Variants in CFAP65 observed in about 807,000 individuals in gnomAD.
CFAP65 encodes cilia and flagella associated protein 65.
CFAP65 carries 155 observed loss-of-function variants against 208.0 expected under a neutral mutation model. The observed-to-expected ratio is 0.75, with a 90% CI of 0.65 to 0.85. The LOEUF is 0.85. CFAP65 is among the 40% of genes least tolerant of loss of function. The pLI is 0.00. For synonymous variants in CFAP65, 970 were observed against 986.3 expected (o/e 0.98, Z 0.31); for missense variants, 2,294 against 2,451.3 (o/e 0.94, Z 1.36).
chr2:219,010,745 G>A, intron 25 of CFAP65, 41 bp from the exon 26 acceptor site: 3 of 1,586,160 alleles, frequency 1.9e-6, no homozygotes, highest in Non-Finnish European at 2.6e-6. Flanking sequence ...TGGTCAGAGG[G>A]AGGCCTGCTG....
Position 219,021,766 on chromosome 2 carries a change from T to G in CFAP65, c.3130+14A>C, listed in dbSNP as rs1266514655. 6.2e-7 allele frequency: 1 copy of G among 1,612,738 alleles called. No individual in the cohort carries two copies. Among genetic ancestry groups the G allele is most frequent in the African/African-American group, 1.3e-5 (1 of 74,890 alleles). On this transcript the variant is annotated intron_variant, in intron 18 of 34. Coordinates refer to ENST00000341552, the MANE Select transcript of CFAP65 (RefSeq NM_194302.4). ...CACCTCCCCTGGCCCCAGTCCCAGC[T>G]CAGGCCCAAGTACCGAGGGGGTGGT...
At position 219,029,657 on chromosome 2, in the gene CFAP65, A is replaced by G; in HGVS notation, c.1396T>C (p.Ser466Pro). ...VVGFCRGPAV[S>P]LQHYCVNFSW... ...AAGTTGACACAGTAGTGCTGCAGGGACACAGCAGGGCCTGGACACAGGAGA... is the reference window on the plus strand; with the variant it reads ...AAGTTGACACAGTAGTGCTGCAGGGGCACAGCAGGGCCTGGACACAGGAGA... Residue 466 changes from serine (S) to proline (P), a missense_variant, in exon 11 of 35, where the codon TCC becomes CCC. Physicochemically the swap from Ser to Pro is moderately conservative, Grantham distance 74 (BLOSUM62 -1). This residue lies in a region of CFAP65 where 867 missense variants were observed against 1,012.6 expected (regional missense o/e 0.86). Coordinates refer to ENST00000341552, the MANE Select transcript of CFAP65 (RefSeq NM_194302.4). The G allele has an allele frequency of 6.2e-7, 1 of 1,613,994 alleles. No homozygotes were observed. The highest frequency in any genetic ancestry group is 1.1e-5 in the South Asian group (1 of 91,060).
chr2:219,023,328 G>A lies in CFAP65; in HGVS notation c.2699C>T (p.Pro900Leu). ...PTWVGCSSTS[P>L]FTFRNPSRLP... Reference sequence around the variant, plus strand: ...ACGCGAGGGGTTGCGGAAGGTGAAGGGGCTGGTGGAGGAGCAGCCCACCCA... The same window carrying A: ...ACGCGAGGGGTTGCGGAAGGTGAAGAGGCTGGTGGAGGAGCAGCCCACCCA... Residue 900 changes from proline to leucine, a missense_variant, in exon 16 of 35, where the codon CCC (proline) becomes CTC (leucine). By Grantham distance (98) the Pro-to-Leu change is moderately conservative (BLOSUM62 -3). This residue lies in a region of CFAP65 where 1,427 missense variants were observed against 1,438.7 expected (regional missense o/e 0.99). Transcript: ENST00000341552. 1.2e-6 allele frequency: 2 copies of A among 1,612,758 alleles called. No individual in the cohort carries two copies. The highest frequency in any genetic ancestry group is 8.5e-7 in the Non-Finnish European group (1 of 1,179,676).
rs1945754852 is a variant in CFAP65 at position 219,003,924 on chromosome 2, C to T, written c.5555+28G>A. Reference sequence around the variant, plus strand: ...GAACCTTCTGCACTTCGCCTCCCTCCCGTCCTCACTGGGGCCTGGCTGCTC... The same window carrying T: ...GAACCTTCTGCACTTCGCCTCCCTCTCGTCCTCACTGGGGCCTGGCTGCTC... On this transcript the variant is annotated intron_variant, in intron 33 of 34. Transcript: ENST00000341552. The surrounding 1 kb of genome is among the most constrained non-coding windows in gnomAD (Gnocchi z 4.4). The T allele has an allele frequency of 1.3e-6, 2 of 1,594,144 alleles. No homozygotes were observed.
At chr2:219,014,700 A>C (rs1488134293) in intron 21 of CFAP65, 1 of 152,632 alleles carries the variant, frequency 6.6e-6, no homozygotes, top group Non-Finnish European at 1.5e-5. Context: ...AGGATACGAT[A>C]GGGAGCATCC....
Position 219,038,973 on chromosome 2 carries a change from A to AAGAGG in CFAP65, c.71_75dup (p.Ser26ProfsTer11), listed in dbSNP as rs778699741. ...AGGAGAAGAGGAATAAGGGGGAAAG[A>AAGAGG]AGAGGCAAATGAGACTGATGGATTC... On this transcript the variant is annotated frameshift_variant, in exon 3 of 35. Coordinates refer to ENST00000341552, the MANE Select transcript of CFAP65 (RefSeq NM_194302.4). LOFTEE classifies it high-confidence loss of function. 2 of 1,613,968 alleles carry AAGAGG rather than the reference A, an allele frequency of 1.2e-6. No homozygotes were observed. Among genetic ancestry groups the AAGAGG allele is most frequent in the Non-Finnish European group, 1.7e-6 (2 of 1,179,936 alleles).
rs138203751 is a variant in CFAP65, at chr2:219,020,011, T to C, written c.3260-292A>G. 3.3e-3 allele frequency among the ~76,000 whole-genome samples: 495 copies of C among 152,294 alleles called. 16 individuals are homozygous for C. Among genetic ancestry groups the C allele is most frequent in the Admixed American group, 0.03 (464 of 15,306 alleles). On this transcript the variant is annotated intron_variant, in intron 19 of 34. Transcript: ENST00000341552. Reference sequence around the variant, plus strand: ...ACAGCTTTATTGAGACACCATTATATACTGGGTAATTTACCCTTTTAACAC... The same window carrying C: ...ACAGCTTTATTGAGACACCATTATACACTGGGTAATTTACCCTTTTAACAC...
At chr2:219,025,525 T>C (rs1947571177) in intron 14 of CFAP65, among the ~76,000 whole-genome samples, 1 of 152,172 alleles carries the variant, frequency 6.6e-6, no homozygotes, top group Non-Finnish European at 1.5e-5. Context: ...TATGTCCTCT[T>C]GCTTGTCAGG....
At chr2:219,030,279 C>T in intron 9 of CFAP65, 71 bp from the exon 10 acceptor site, 1 of 1,502,812 alleles carries the variant, frequency 6.7e-7, no homozygotes, top group Admixed American at 1.7e-5. Context: ...ACAGTCTACG[C>T]ATTGTACTGG....
intron 18 of CFAP65, 45 bp from the exon 19 acceptor site, chr2:219,021,325 A>G: frequency 1.3e-6 from 2 of 1,510,928 alleles, no homozygotes; most frequent in Middle Eastern, 1.9e-4. Flanking sequence ...GAGGAGGCCC[A>G]GCCATTCCTC....
In CFAP65 at chr2:219,030,775, C is replaced by A. The variant is rs773825950; in HGVS notation, c.1075G>T (p.Glu359Ter). 5 of 1,614,166 alleles carry A rather than the reference C, an allele frequency of 3.1e-6. No individual in the cohort carries two copies. Among genetic ancestry groups the A allele is most frequent in the East Asian group, 2.2e-5 (1 of 44,876 alleles). Residue 359 changes from glutamate to a stop codon, truncating the protein, a stop_gained, in exon 9 of 35, where the codon GAG becomes TAG. Coordinates refer to ENST00000341552, the MANE Select transcript of CFAP65 (RefSeq NM_194302.4). LOFTEE classifies it high-confidence loss of function. Reference sequence around the variant, plus strand: ...AAGTACAACAGCTTCTGGAAGCCCTCGGCATCCTGGTCCTCCGGGCACTTG... The same window carrying A: ...AAGTACAACAGCTTCTGGAAGCCCTAGGCATCCTGGTCCTCCGGGCACTTG... ...KHKCPEDQDA[E>*]GFQKLLYFGS... is the part of the protein sequence containing the mutation.
rs1947608606 is a variant in CFAP65 at position 219,026,043 on chromosome 2, C to T, written c.2328G>A (p.Gln776=). The T allele has an allele frequency of 1.2e-6, 2 of 1,614,004 alleles. No individual in the cohort carries two copies. The highest frequency in any genetic ancestry group is 1.1e-5 in the South Asian group (1 of 91,084). The change falls in exon 14 of 35, where the codon CAG becomes CAA. Residue 776 remains glutamine (Q), a synonymous_variant. Coordinates refer to ENST00000341552, the MANE Select transcript of CFAP65 (RefSeq NM_194302.4). The part of the protein sequence containing the change: ...YFAGFEHHIP[Q]YSLDVPKLFP... ...TTACCTTGGGGACATCTAGGGAATA[C>T]TGGGGGATGTGGTGCTCAAAGCCAG...
chr2:219,015,976 TA>T (rs10719158), intron 21 of CFAP65, among the ~76,000 whole-genome samples: 22,198 of 151,362 alleles, frequency 0.15, 3,729 homozygotes, highest in African/African-American at 0.42. Flanking sequence ...GCCATTACTG[TA>T]AAAAAAAAGG....
chr2:219,021,776 G>C lies in CFAP65; in HGVS notation c.3130+4C>G. On this transcript the variant is annotated splice_donor_region_variant and intron_variant, in intron 18 of 34. Coordinates refer to ENST00000341552, the MANE Select transcript of CFAP65 (RefSeq NM_194302.4). ...GGCCCCAGTCCCAGCTCAGGCCCAA[G>C]TACCGAGGGGGTGGTTGTCAACGGC... is the stretch of plus-strand genomic sequence containing the variant. 6.2e-7 allele frequency: 1 copy of C among 1,613,306 alleles called. No individual in the cohort carries two copies. The highest frequency in any genetic ancestry group is 8.5e-7 in the Non-Finnish European group (1 of 1,179,880).
chr2:219,005,289 G>A (rs1001780685), intron 32 of CFAP65, 145 bp downstream of exon 32: 2 of 1,123,288 alleles, frequency 1.8e-6, no homozygotes, highest in African/African-American at 1.5e-5. Flanking sequence ...GCCTCCCAAA[G>A]TGTTGGAATT....
chr2:219,004,622 G>A lies in CFAP65; in HGVS notation c.5052-167C>T, dbSNP rs1412260324. Among the ~76,000 whole-genome samples the A allele has an allele frequency of 1.3e-5, 2 of 152,210 alleles. No homozygotes were observed. The highest frequency in any genetic ancestry group is 2.9e-5 in the Non-Finnish European group (2 of 68,042). ...CCCTTCTTTCAAGGAAGACATCTTTGAGCCTCATGGATTTTTAGAAGCGAA... is the reference window on the plus strand; with the variant it reads ...CCCTTCTTTCAAGGAAGACATCTTTAAGCCTCATGGATTTTTAGAAGCGAA... On this transcript the variant is annotated intron_variant, in intron 32 of 34. Transcript: ENST00000341552. This position sits in a 1 kb window ranked among gnomAD's most constrained non-coding sequence, Gnocchi z 4.7.
At chr2:219,035,777 G>A in intron 4 of CFAP65, 113 bp from the exon 5 acceptor site, 11 of 1,474,946 alleles carry the variant, frequency 7.5e-6, no homozygotes, top group Non-Finnish European at 8.9e-6. Flanking sequence ...GAAAATAAAA[G>A]ACAAGAAGAA....
intron 10 of CFAP65, 84 bp from the exon 11 acceptor site, chr2:219,029,752 A>G: frequency 2.0e-6 from 3 of 1,510,726 alleles, no homozygotes; most frequent in East Asian, 4.5e-5. Flanking sequence ...TCTCAGGGCC[A>G]GGCTACAGGC....
Position 219,013,894 on chromosome 2 carries a change from C to T in CFAP65, c.3753G>A (p.Gln1251=). The stretch of plus-strand genomic sequence containing the variant: ...TGTATTTTAACTCCACCATCTGCTC[C>T]TGCCCAGGACTCAGGCTCCCAGCCT... ...SPKAGSLSPG[Q]EQMVELKYSH... The change falls in exon 22 of 35, where the codon CAG becomes CAA. Residue 1251 remains glutamine, a synonymous_variant. Transcript: ENST00000341552. The T allele has an allele frequency of 6.2e-7, 1 of 1,610,098 alleles. No homozygotes were observed.
Sources: allele counts gnomAD v4.1 joint callset (sites outside exome capture counted in the v4.1 genomes callset), GRCh38; gene constraint gnomAD v4.1.1; regional missense constraint gnomAD v4.1.1; non-coding constraint Gnocchi (gnomAD v3.1); transcripts MANE v1.5; gene names NCBI Gene and HGNC (gene_info 2026-07-23, HGNC 2026-07-21).